Variants in MXRA7 observed in about 807,000 individuals in gnomAD.
The protein encoded by MXRA7 is matrix-remodeling-associated protein 7.
A neutral mutation model predicts 17.4 loss-of-function variants in MXRA7; 18 were observed. That is an observed-to-expected ratio of 1.03 (90% confidence interval 0.71 to 1.53). MXRA7 has a LOEUF of 1.53. MXRA7 is among the 40% of genes most tolerant of loss of function. The pLI, the probability that MXRA7 is intolerant of heterozygous loss-of-function variation, is 0.00. For missense variants in MXRA7, 141 were observed against 209.3 expected (o/e 0.67, Z 2.01); for synonymous variants, 70 against 101.7 (o/e 0.69, Z 1.87).
chr17:76,710,486 G>T, intron 1 of MXRA7, 119 bp downstream of exon 1: 1 of 871,030 alleles, frequency 1.1e-6, no homozygotes, highest in Non-Finnish European at 1.5e-6. Flanking sequence ...CGGGTTCTGC[G>T]CTTCCTGGGG....
At chr17:76,687,571 G>A (rs1450254851) in intron 2 of MXRA7, among the ~76,000 whole-genome samples, 2 of 152,188 alleles carry the variant, frequency 1.3e-5, no homozygotes, top group Non-Finnish European at 2.9e-5. Context: ...TTCCGCCTCT[G>A]TCTGTCCTGG....
intron 3 of MXRA7, chr17:76,684,586 A>G: frequency 2.8e-6 from 1 of 358,340 alleles, no homozygotes; most frequent in South Asian, 2.1e-5. Context: ...GAGAAGCCAT[A>G]GCTGCACTGC....
At chr17:76,688,009 T>TCCCCCCC in intron 2 of MXRA7, 104 bp downstream of exon 2, 4 of 572,762 alleles carry the variant, frequency 7.0e-6, no homozygotes, top group South Asian at 3.3e-5. Context: ...TCCCACCCCA[T>TCCCCCCC]CCCTCCCCTC....
At chr17:76,676,733 C>A, downstream of MXRA7, 1 of 152,166 alleles carries the variant, frequency 6.6e-6, no homozygotes, top group Non-Finnish European at 1.5e-5. Flanking sequence ...GAGACTCTGT[C>A]TCAAAAAGAA....
At chr17:76,685,514 A>G (rs1293563419) in intron 2 of MXRA7, among the ~76,000 whole-genome samples, 1 of 152,168 alleles carries the variant, frequency 6.6e-6, no homozygotes, top group East Asian at 1.9e-4. Context: ...AGCACAGCTC[A>G]TCTTGGGACA....
chr17:76,677,631 G>T, downstream of MXRA7: 1 of 1,613,566 alleles, frequency 6.2e-7, no homozygotes, highest in East Asian at 2.2e-5. Context: ...GTCGCCGTCG[G>T]ACATCTCGCC....
At chr17:76,693,885 G>A (rs902944139) in intron 1 of MXRA7, among the ~76,000 whole-genome samples, 1 of 152,186 alleles carries the variant, frequency 6.6e-6, no homozygotes. Context: ...AACTTCTGGT[G>A]TAGCTGTGTG....
chr17:76,678,718 G>A (rs2076260898), downstream of MXRA7, among the ~76,000 whole-genome samples: 1 of 152,188 alleles, frequency 6.6e-6, no homozygotes, highest in Non-Finnish European at 1.5e-5. Context: ...CAGGACCTCA[G>A]CATAGCCCTG....
At chr17:76,697,233 G>A (rs997461048) in intron 1 of MXRA7, among the ~76,000 whole-genome samples, 1 of 152,168 alleles carries the variant, frequency 6.6e-6, no homozygotes, top group East Asian at 1.9e-4. Flanking sequence ...AGACATGAGA[G>A]TTGTGAGTGC....
chr17:76,675,851 A>G (rs1229005909), downstream of MXRA7: 1 of 152,206 alleles, frequency 6.6e-6, no homozygotes, highest in Non-Finnish European at 1.5e-5. Context: ...GCAAGAGGCG[A>G]CGGCGGGAAG....
chr17:76,704,450 C>T (rs993158462), intron 1 of MXRA7, among the ~76,000 whole-genome samples: 76 of 150,298 alleles, frequency 5.1e-4, no homozygotes, highest in Non-Finnish European at 1.1e-3. Context: ...CGTGATCCGC[C>T]CGCCTCGGCC....
intron 1 of MXRA7, among the ~76,000 whole-genome samples, chr17:76,710,386 G>A (rs2076705879): frequency 1.3e-5 from 2 of 152,276 alleles, no homozygotes; most frequent in African/African-American, 2.4e-5. Flanking sequence ...AACTCCTTCG[G>A]GCTCGCCCCT....
At chr17:76,687,069 T>G (rs1016305550) in intron 2 of MXRA7, among the ~76,000 whole-genome samples, 2 of 152,190 alleles carry the variant, frequency 1.3e-5, no homozygotes, top group African/African-American at 4.8e-5. Flanking sequence ...ACAGGATCCC[T>G]GCATCCCTTC....
Position 76,683,259 on chromosome 17 carries a change from T to G in MXRA7, c.500+1813A>C, listed in dbSNP as rs138610469. Reference sequence around the variant, plus strand: ...GCTGTGTGGTCTCTGCTGCAGTGACTCACCTCGGCCACTGCGGCACAAAGA... The same window carrying G: ...GCTGTGTGGTCTCTGCTGCAGTGACGCACCTCGGCCACTGCGGCACAAAGA... On this transcript the variant is annotated intron_variant, in intron 3 of 3. Coordinates refer to ENST00000449428, the MANE Select transcript of MXRA7 (RefSeq NM_198530.4). 5.5e-3 allele frequency among the ~76,000 whole-genome samples: 845 copies of G among 152,268 alleles called. 5 individuals are homozygous for G. The highest frequency in any genetic ancestry group is 0.02 in the African/African-American group (812 of 41,544).
At chr17:76,688,021 G>GCACTCGAACCCCAGCCCCTGTGATCCC in intron 2 of MXRA7, 92 bp downstream of exon 2, 1 of 1,116,234 alleles carries the variant, frequency 9.0e-7, no homozygotes, top group South Asian at 1.3e-5. Flanking sequence ...CCTCCCCTCG[G>GCACTCGAACCCCAGCCCCTGTGATCCC]CACTCGAACC....
intron 1 of MXRA7, among the ~76,000 whole-genome samples, chr17:76,692,987 CA>C (rs1280594916): frequency 6.6e-6 from 1 of 150,988 alleles, no homozygotes; most frequent in East Asian, 1.9e-4. Context: ...CCTGTCCCTC[CA>C]GACACTAGCA....
chr17:76,677,447 C>G (rs911446994), downstream of MXRA7: 2 of 611,368 alleles, frequency 3.3e-6, no homozygotes, highest in South Asian at 1.9e-5. Flanking sequence ...TGCAAGAACT[C>G]GGCAAGTACC....
At chr17:76,673,792 G>A (rs2076220268) in exon 4 of MXRA7, 1 of 152,196 alleles carries the variant, frequency 6.6e-6, no homozygotes, top group South Asian at 2.1e-4. Context: ...TACTCTTAAA[G>A]CAGCTTAGAT....
At chr17:76,702,727 C>T (rs1192480669) in intron 1 of MXRA7, among the ~76,000 whole-genome samples, 1 of 151,684 alleles carries the variant, frequency 6.6e-6, no homozygotes, top group Admixed American at 6.6e-5. Context: ...TGGTAGGTGC[C>T]TGTAATCCCA....
Sources: gnomAD v4.1 joint callset for allele counts (sites outside exome capture counted in the v4.1 genomes callset) on GRCh38, gnomAD v4.1.1 for gene constraint, MANE v1.5 for transcripts, NCBI Gene and HGNC (gene_info 2026-07-23, HGNC 2026-07-21) for gene names.